The following WFDC8 variants were observed in gnomAD, a reference collection of about 807,000 sequenced individuals.
The protein encoded by WFDC8 is WAP four-disulfide core domain 8, also known as WAP four-disulfide core domain protein 8.
WFDC8 carries 24 observed loss-of-function variants against 27.0 expected under a neutral mutation model. The observed-to-expected ratio is 0.89, with a 90% CI of 0.64 to 1.25. WFDC8 has a LOEUF of 1.25. Ranked by LOEUF, WFDC8 falls within the 50% of genes most tolerant of loss-of-function variation. WFDC8 has a pLI of 0.00. For missense variants in WFDC8, 287 were observed against 295.9 expected (o/e 0.97, Z 0.22); for synonymous variants, 106 against 99.7 (o/e 1.06, Z -0.38).
intron 5 of WFDC8, among the ~76,000 whole-genome samples, chr20:45,552,386 T>C (rs547850714): frequency 6.8e-4 from 104 of 152,288 alleles, no homozygotes; most frequent in Admixed American, 9.8e-4. Context: ...ACTTGTACCA[T>C]CTGATAGGAT....
chr20:45,558,256 C>A (rs188772281), intron 3 of WFDC8, among the ~76,000 whole-genome samples: 3 of 152,332 alleles, frequency 2.0e-5, no homozygotes, highest in African/African-American at 7.2e-5. Flanking sequence ...TAGATTCTTT[C>A]TACCAGCTTC....
chr20:45,569,496 G>A (rs548897534), intron 1 of WFDC8, among the ~76,000 whole-genome samples: 1 of 152,138 alleles, frequency 6.6e-6, no homozygotes, highest in East Asian at 1.9e-4. Flanking sequence ...TTGATTCCTG[G>A]AGTCTCATGG....
intron 1 of WFDC8, among the ~76,000 whole-genome samples, chr20:45,566,792 A>T (rs1189045957): frequency 1.3e-5 from 2 of 152,222 alleles, no homozygotes; most frequent in East Asian, 3.8e-4. Context: ...AAGTAACTTT[A>T]GTTTAAAATA....
At chr20:45,558,703 T>G in intron 3 of WFDC8, 149 bp downstream of exon 3, 2 of 924,378 alleles carry the variant, frequency 2.2e-6, no homozygotes, top group Non-Finnish European at 3.2e-6. Context: ...CCTAGACTTA[T>G]GACTTGTACT....
chr20:45,572,146 A>G (rs2145576360), intron 1 of WFDC8, among the ~76,000 whole-genome samples: 2 of 152,250 alleles, frequency 1.3e-5, no homozygotes, highest in African/African-American at 4.8e-5. Flanking sequence ...CACACCTGTA[A>G]TCCCAGCACT....
At chr20:45,579,135 C>A (rs943940932) in intron 1 of WFDC8, 87 bp downstream of exon 1, 4 of 1,363,808 alleles carry the variant, frequency 2.9e-6, no homozygotes, top group South Asian at 1.2e-5. Context: ...CCACAGCCGA[C>A]CACTCTAACT....
At chr20:45,551,492 G>A (rs1236554795), downstream of WFDC8, 1 of 152,276 alleles carries the variant, frequency 6.6e-6, no homozygotes, top group Non-Finnish European at 1.5e-5. Flanking sequence ...AGCTGGGCAT[G>A]ATGGTGGGCA....
downstream of WFDC8, chr20:45,551,681 CTT>C (rs373916438): frequency 1.1e-3 from 165 of 156,486 alleles, no homozygotes; most frequent in African/African-American, 4.0e-3. Flanking sequence ...TGCAATAAAA[CTT>C]ATGTATTCCA....
At chr20:45,569,187 G>T (rs1980784275) in intron 1 of WFDC8, among the ~76,000 whole-genome samples, 1 of 152,354 alleles carries the variant, frequency 6.6e-6, no homozygotes, top group East Asian at 1.9e-4. Context: ...TACCTCTTCA[G>T]TGGATTTCAT....
At chr20:45,559,073 T>G in intron 2 of WFDC8, 81 bp from the exon 3 acceptor site, 2 of 1,565,928 alleles carry the variant, frequency 1.3e-6, no homozygotes, top group Non-Finnish European at 1.7e-6. Context: ...TGTAGTGAAA[T>G]TCTCTCAGCC....
intron 4 of WFDC8, among the ~76,000 whole-genome samples, chr20:45,553,528 C>T (rs1568992987): frequency 1.3e-5 from 2 of 150,704 alleles, no homozygotes; most frequent in African/African-American, 4.9e-5. Flanking sequence ...GTTTCCTTCT[C>T]TGTAAAATGA....
intron 2 of WFDC8, among the ~76,000 whole-genome samples, chr20:45,561,489 T>C (rs1980466986): frequency 6.6e-6 from 1 of 152,162 alleles, no homozygotes; most frequent in Non-Finnish European, 1.5e-5. Context: ...TCCAGTTTGT[T>C]ATTAGAATCC....
chr20:45,561,633 G>T, intron 2 of WFDC8, among the ~76,000 whole-genome samples: 1 of 151,980 alleles, frequency 6.6e-6, no homozygotes, highest in Admixed American at 6.6e-5. Flanking sequence ...ATCAGCACCT[G>T]ATCTCACCCC....
chr20:45,556,861 T>C (rs6073781), intron 3 of WFDC8, among the ~76,000 whole-genome samples: 102,669 of 152,042 alleles, frequency 0.68, 34,746 homozygotes, highest in Admixed American at 0.72. Flanking sequence ...ATGACCAGCT[T>C]AGTGGCTGGA....
chr20:45,567,175 A>G (rs1348784214), intron 1 of WFDC8, among the ~76,000 whole-genome samples: 1 of 152,242 alleles, frequency 6.6e-6, no homozygotes, highest in Non-Finnish European at 1.5e-5. Context: ...AGCGTTATCA[A>G]TGTTAACTAT....
chr20:45,562,469 T>C (rs2272957), intron 1 of WFDC8, among the ~76,000 whole-genome samples: 3,720 of 152,280 alleles, frequency 0.024, 138 homozygotes, highest in African/African-American at 0.078. Context: ...ACACAGACAC[T>C]TGCCTATTGT....
chr20:45,557,856 A>T (rs1980322351), intron 3 of WFDC8, among the ~76,000 whole-genome samples: 1 of 152,220 alleles, frequency 6.6e-6, no homozygotes, highest in South Asian at 2.1e-4. Context: ...ATACCAAGGA[A>T]GAAACAGCCC....
At chr20:45,575,133 C>A (rs965505642) in intron 1 of WFDC8, among the ~76,000 whole-genome samples, 3 of 152,120 alleles carry the variant, frequency 2.0e-5, no homozygotes, top group African/African-American at 7.2e-5. Context: ...CCAATTTCTA[C>A]CACTTTTAAT....
rs543909192 is a variant in WFDC8, at chr20:45,577,404, C to CT, written c.26+1817dup. Among the ~76,000 whole-genome samples the CT allele has an allele frequency of 2.2e-3, 326 of 145,194 alleles. 13 individuals carry two copies. The highest frequency in any genetic ancestry group is 7.8e-3 in the South Asian group (35 of 4,488). On this transcript the variant is annotated intron_variant, in intron 1 of 5. Transcript: ENST00000289953. Reference sequence around the variant, plus strand: ...CAATAATATATATTACATAAGGTGTCTTTTTTTTTTTTTGAGATGGAGTCT... The same window carrying CT: ...CAATAATATATATTACATAAGGTGTCTTTTTTTTTTTTTTGAGATGGAGTCT...
Sources: gnomAD v4.1 joint callset for allele counts (sites outside exome capture counted in the v4.1 genomes callset) on GRCh38, gnomAD v4.1.1 for gene constraint, MANE v1.5 for transcripts, NCBI Gene and HGNC (gene_info 2026-07-23, HGNC 2026-07-21) for gene names.